HIVEP1: variants seen among roughly 807,000 people sequenced by gnomAD.
HIVEP1 encodes zinc finger protein 40.
HIVEP1 carries 36 observed loss-of-function variants against 180.0 expected under a neutral mutation model. That is an observed-to-expected ratio of 0.20 (90% CI 0.15 to 0.26). The LOEUF is 0.26. Among genes scored for constraint, HIVEP1 ranks in the 10% least tolerant of loss-of-function variants. The probability of loss-of-function intolerance (pLI) is 1.00; values close to 1 mark genes in which losing one functional copy is unlikely to be tolerated. For missense variants in HIVEP1, 3,143 were observed against 3,268.7 expected (o/e 0.96, Z 0.94); for synonymous variants, 1,239 against 1,239.0 (o/e 1.00, Z 0.00).
In HIVEP1 at chr6:12,125,701, C is replaced by G. The variant is rs199635627; in HGVS notation, c.5906C>G (p.Thr1969Arg). ...AAAACTTCAGCCTATACTGATTGGA[C>G]AGTAAGCGCCAGTAATCCAAATCCA... Reference protein sequence around the residue: ...DQKTSAYTDWTVSASNPNPLG... With the variant: ...DQKTSAYTDWRVSASNPNPLG... Residue 1969 changes from threonine (T) to arginine (R), a missense_variant, in exon 4 of 9, where the codon ACA (threonine) becomes AGA (arginine). Thr to Arg is a moderately conservative substitution (Grantham distance 71). Transcript: ENST00000379388. 1.1e-4 allele frequency: 174 copies of G among 1,614,194 alleles called. 1 individual carries two copies. The African/African-American group carries it at 2.2e-3, about 20-fold the overall frequency.
intron 7 of HIVEP1, among the ~76,000 whole-genome samples, chr6:12,148,342 C>T (rs1327464582): frequency 6.6e-6 from 1 of 152,222 alleles, no homozygotes; most frequent in Non-Finnish European, 1.5e-5. Flanking sequence ...ATACCTGCCC[C>T]TCTTGGGGAG....
At chr6:12,040,973 A>G (rs906950410) in intron 2 of HIVEP1, among the ~76,000 whole-genome samples, 1 of 152,338 alleles carries the variant, frequency 6.6e-6, no homozygotes, top group East Asian at 1.9e-4. Context: ...GTGTGTCCCC[A>G]TGATCCAGCC....
intron 2 of HIVEP1, among the ~76,000 whole-genome samples, chr6:12,046,468 G>A (rs1036170370): frequency 6.6e-6 from 1 of 152,146 alleles, no homozygotes; most frequent in Non-Finnish European, 1.5e-5. Context: ...GAATGTCAGA[G>A]CAGACACTGG....
intron 7 of HIVEP1, among the ~76,000 whole-genome samples, chr6:12,150,210 G>A (rs1759622145): frequency 6.6e-6 from 1 of 152,126 alleles, no homozygotes; most frequent in African/African-American, 2.4e-5. Context: ...CGGGAATTTT[G>A]TTCTCCTGTT....
At chr6:12,211,720 GA>G in the HIVEP1 span, among the ~76,000 whole-genome samples, 1 of 151,564 alleles carries the variant, frequency 6.6e-6, no homozygotes, top group Non-Finnish European at 1.5e-5. Flanking sequence ...TCTCCCCAAG[GA>G]AAAAAAATTA....
chr6:12,100,844 G>A (rs932867498), intron 3 of HIVEP1, among the ~76,000 whole-genome samples: 9 of 151,930 alleles, frequency 5.9e-5, no homozygotes, highest in African/African-American at 2.2e-4. Context: ...GGAGCATTTC[G>A]GATTTCAGAT....
At chr6:12,192,137 G>C in the HIVEP1 span, among the ~76,000 whole-genome samples, 1 of 152,020 alleles carries the variant, frequency 6.6e-6, no homozygotes, top group African/African-American at 2.4e-5. Context: ...TTAAAACATG[G>C]AATATGGTTC....
In HIVEP1 at chr6:12,123,868, G is replaced by T. The variant is rs763353957; in HGVS notation, c.4073G>T (p.Gly1358Val). 6.2e-7 allele frequency: 1 copy of T among 1,614,100 alleles called. No homozygotes were observed. The highest frequency in any genetic ancestry group is 1.1e-5 in the South Asian group (1 of 91,074). The change falls in exon 4 of 9, where the codon GGA becomes GTA. Residue 1358 changes from glycine to valine, a missense_variant. Transcript: ENST00000379388. ...PAGLNTLNVP[G>V]CHREMRRTAS... ...GGCTTGAATACTCTGAATGTTCCTG[G>T]ATGTCACCGGGAAATGAGGCGTACT... is the stretch of plus-strand genomic sequence containing the variant.
chr6:12,070,006 C>T (rs1771862701), intron 2 of HIVEP1, among the ~76,000 whole-genome samples: 1 of 152,122 alleles, frequency 6.6e-6, no homozygotes, highest in Non-Finnish European at 1.5e-5. Context: ...GACTCAGGCT[C>T]ATCAGTATCA....
the HIVEP1 span, among the ~76,000 whole-genome samples, chr6:12,193,241 A>G: frequency 6.6e-6 from 1 of 152,256 alleles, no homozygotes; most frequent in East Asian, 1.9e-4. Context: ...ACATAGTGTA[A>G]TTTACTTATC....
chr6:12,082,391 C>G (rs1037359631), intron 2 of HIVEP1, among the ~76,000 whole-genome samples: 32 of 152,236 alleles, frequency 2.1e-4, no homozygotes, highest in African/African-American at 7.0e-4. Context: ...CAGTTTTTGT[C>G]TGTCATGAAA....
the HIVEP1 span, among the ~76,000 whole-genome samples, chr6:12,186,885 A>ATTT: frequency 6.8e-6 from 1 of 147,938 alleles, no homozygotes; most frequent in African/African-American, 2.5e-5. Flanking sequence ...GAGCATGAGC[A>ATTT]TTTTTTTTTT....
rs1260383789 is a variant in HIVEP1 at position 12,124,798 on chromosome 6, C to A, written c.5003C>A (p.Pro1668Gln). Residue 1668 changes from proline to glutamine, a missense_variant, in exon 4 of 9, where the codon CCA becomes CAA. Physicochemically the swap from Pro to Gln is moderately conservative, Grantham distance 76. This residue lies in a region of HIVEP1 where 1,357 missense variants were observed against 1,260.5 expected (regional missense o/e 1.08). Coordinates refer to ENST00000379388, the MANE Select transcript of HIVEP1 (RefSeq NM_002114.4). ...GTGACCCAAGATCTGCCCAATCAGC[C>A]AATTTGCCAGACTAATCATAGTGTA... is the stretch of plus-strand genomic sequence containing the variant. Reference protein sequence around the residue: ...ILVTQDLPNQPICQTNHSVVP... With the variant: ...ILVTQDLPNQQICQTNHSVVP... 6.2e-7 allele frequency: 1 copy of A among 1,614,130 alleles called. No individual in the cohort carries two copies. The highest frequency in any genetic ancestry group is 2.2e-5 in the East Asian group (1 of 44,886).
intron 2 of HIVEP1, among the ~76,000 whole-genome samples, chr6:12,051,026 A>G (rs1055561414): frequency 1.4e-5 from 2 of 141,222 alleles, no homozygotes; most frequent in Admixed American, 7.1e-5. Context: ...ATATATATAT[A>G]TATATGTATA....
intron 2 of HIVEP1, among the ~76,000 whole-genome samples, chr6:12,086,751 A>G (rs998738137): frequency 2.6e-5 from 4 of 152,150 alleles, no homozygotes; most frequent in African/African-American, 7.2e-5. Context: ...AGGGAATTAC[A>G]TGTATGCATA....
chr6:12,202,803 C>G, the HIVEP1 span, among the ~76,000 whole-genome samples: 1 of 152,220 alleles, frequency 6.6e-6, no homozygotes, highest in South Asian at 2.1e-4. Context: ...CTTGACCCAT[C>G]CTCTGTAGCA....
At chr6:12,131,711 C>T (rs923689303) in intron 6 of HIVEP1, among the ~76,000 whole-genome samples, 1 of 142,738 alleles carries the variant, frequency 7.0e-6, no homozygotes, top group Admixed American at 7.2e-5. Context: ...TTATATGCCA[C>T]TCTCTAAAAA....
At chr6:12,129,038 C>T (rs1186765638) in intron 4 of HIVEP1, among the ~76,000 whole-genome samples, 2 of 151,806 alleles carry the variant, frequency 1.3e-5, no homozygotes, top group African/African-American at 4.8e-5. Context: ...GAGCAAGACC[C>T]CCATTTCTAT....
At position 12,123,147 on chromosome 6, in the gene HIVEP1, T is replaced by C. The variant is rs764652025; in HGVS notation, c.3352T>C (p.Ser1118Pro). ...GACCATCATGGAACAACAGATAAGT[T>C]CAGCAGCCCAGGACAAGATAGAACT... ...LSTIMEQQIS[S>P]AAQDKIELQR... The change falls in exon 4 of 9, where the codon TCA becomes CCA. Residue 1118 changes from serine (S) to proline (P), a missense_variant. Coordinates refer to ENST00000379388, the MANE Select transcript of HIVEP1 (RefSeq NM_002114.4). 19 of 1,614,004 alleles carry C rather than the reference T, an allele frequency of 1.2e-5. No homozygotes were observed. The highest frequency in any genetic ancestry group is 4.0e-5 in the African/African-American group (3 of 74,902).
Sources: allele counts gnomAD v4.1 joint callset (sites outside exome capture counted in the v4.1 genomes callset), GRCh38; gene constraint gnomAD v4.1.1; regional missense constraint gnomAD v4.1.1; transcripts MANE v1.5; gene names NCBI Gene and HGNC (gene_info 2026-07-23, HGNC 2026-07-21).